Variants in MADD observed in about 807,000 individuals in gnomAD.
The protein encoded by MADD is MAP kinase-activating death domain protein.
Under a neutral mutation model 176.7 loss-of-function variants are expected in MADD, and 109 were observed. That is an observed-to-expected ratio of 0.62 (90% CI 0.53 to 0.72). The LOEUF is 0.72. MADD is among the 30% of genes least tolerant of loss of function. The probability of loss-of-function intolerance (pLI) is 0.00; values close to 1 mark genes in which losing one functional copy is unlikely to be tolerated. For synonymous variants in MADD, 771 were observed against 771.3 expected, an observed-to-expected ratio of 1.00 and a Z score of 0.01; for missense variants, 1,914 against 2,045.5, an observed-to-expected ratio of 0.94 and a Z score of 1.24.
rs181751150 is a variant in MADD at position 47,286,184 on chromosome 11, G to A, written c.2552-249G>A. Reference sequence around the variant, plus strand: ...TTTCATGCTGTGTAGCAGTGGATGAGAGACTTGGATATTATCATGTGAGGT... The same window carrying A: ...TTTCATGCTGTGTAGCAGTGGATGAAAGACTTGGATATTATCATGTGAGGT... On this transcript the variant is annotated intron_variant, in intron 14 of 32. Transcript: ENST00000402192. Among the ~76,000 whole-genome samples, 267 of 152,298 alleles carry A rather than the reference G, an allele frequency of 1.8e-3. 2 individuals are homozygous for A. The highest frequency in any genetic ancestry group is 6.3e-3 in the African/African-American group (260 of 41,552).
chr11:47,280,819 GGC>G (rs1459708988), intron 7 of MADD, among the ~76,000 whole-genome samples: 1 of 152,122 alleles, frequency 6.6e-6, no homozygotes, highest in East Asian at 1.9e-4. Flanking sequence ...CACTTGCCTT[GGC>G]CTCCCAAAGT....
At chr11:47,292,874 C>T (rs1490698760) in intron 19 of MADD, among the ~76,000 whole-genome samples, 1 of 152,074 alleles carries the variant, frequency 6.6e-6, no homozygotes, top group African/African-American at 2.4e-5. Flanking sequence ...AGAATGTTTG[C>T]CTATTTTAGT....
rs898929980 is a variant in MADD, at chr11:47,287,741, G to A, written c.2653+1207G>A. Reference sequence around the variant, plus strand: ...TTTTGTTTTCTCTGGATGGTATGACGAAATATTTAACTGTGGTAGGAAGTG... The same window carrying A: ...TTTTGTTTTCTCTGGATGGTATGACAAAATATTTAACTGTGGTAGGAAGTG... On this transcript the variant is annotated intron_variant, in intron 15 of 32. Transcript: ENST00000402192. Among the ~76,000 whole-genome samples the A allele has an allele frequency of 3.5e-4, 52 of 148,300 alleles. 1 individual carries two copies. The highest frequency in any genetic ancestry group is 2.8e-3 in the Admixed American group (41 of 14,786).
chr11:47,315,331 G>A lies in MADD; in HGVS notation c.4197+4G>A. ...CGGAGATATCTTTTTCATGGAGGTA[G>A]GTGCTGGTTCATGCTGGGGGCCCAA... On this transcript the variant is annotated splice_donor_region_variant and intron_variant, in intron 27 of 32. Coordinates refer to ENST00000402192, the Ensembl canonical transcript of MADD. The A allele has an allele frequency of 1.9e-6, 3 of 1,593,920 alleles. No individual in the cohort carries two copies. The highest frequency in any genetic ancestry group is 2.6e-6 in the Non-Finnish European group (3 of 1,162,028).
intron 25 of MADD, among the ~76,000 whole-genome samples, chr11:47,311,163 T>C (rs1366579660): frequency 6.6e-6 from 1 of 152,138 alleles, no homozygotes; most frequent in East Asian, 1.9e-4. Flanking sequence ...GCCACTGGGT[T>C]TCTCCTCCTT....
At chr11:47,328,788 T>G in intron 32 of MADD, 84 bp downstream of exon 36, 1 of 1,567,024 alleles carries the variant, frequency 6.4e-7, no homozygotes, top group Non-Finnish European at 8.7e-7. Context: ...GAGGGCCCTC[T>G]GAGCGCACAG....
Position 47,285,012 on chromosome 11 carries a change from TC to T in MADD, c.2232del (p.Ser745AlafsTer70). 1 of 1,614,062 alleles carries T rather than the reference TC, an allele frequency of 6.2e-7. No individual in the cohort carries two copies. The highest frequency in any genetic ancestry group is 8.5e-7 in the Non-Finnish European group (1 of 1,180,022). Reference sequence around the variant, plus strand: ...TCTCCAAGCCCCTCCCTTCCGTGCCTCCCAGCATTGGCAAATCGAACGTGGA... The same window carrying T: ...TCTCCAAGCCCCTCCCTTCCGTGCCTCCAGCATTGGCAAATCGAACGTGGA... On this transcript the variant is annotated frameshift_variant, in exon 13 of 33. Transcript: ENST00000402192. LOFTEE classifies it high-confidence loss of function.
chr11:47,319,990 C>CAAAAA (rs11302029), intron 27 of MADD, among the ~76,000 whole-genome samples: 2 of 67,862 alleles, frequency 2.9e-5, no homozygotes, highest in Non-Finnish European at 5.3e-5. Flanking sequence ...GACTCCATCG[C>CAAAAA]AAAAAAAAAA....
intron 31 of MADD, chr11:47,327,462 C>T (rs1293677184): frequency 2.1e-5 from 21 of 985,320 alleles, no homozygotes; most frequent in East Asian, 1.1e-4. Flanking sequence ...GACCTCGGCT[C>T]GTGCTGCCTC....
Position 47,289,022 on chromosome 11 carries a change from G to A in MADD, c.2654-369G>A, listed in dbSNP as rs200176638. ...GTTACTGAAGCCGGCCCCGGGAGTG[G>A]TGAAGGTGGGTCTTGCCTGTGAGCT... On this transcript the variant is annotated intron_variant, in intron 15 of 32. Transcript: ENST00000402192. 1.9e-5 allele frequency: 31 copies of A among 1,593,522 alleles called. No individual in the cohort carries two copies. The East Asian group carries it at 7.0e-4, about 36-fold the overall frequency.
intron 30 of MADD, chr11:47,324,963 C>T (rs1441586719): frequency 1.4e-5 from 8 of 583,310 alleles, no homozygotes; most frequent in East Asian, 8.6e-5. Context: ...CTAGACTGGC[C>T]GATCTCCTTG....
intron 10 of MADD, 60 bp from the exon 11 acceptor site, chr11:47,284,118 T>G (rs3816725): frequency 0.36 from 394,897 of 1,085,064 alleles, 77,805 homozygotes; most frequent in East Asian, 0.69. Flanking sequence ...TGGTGCTGAT[T>G]GTAGGTGTTC....
intron 19 of MADD, among the ~76,000 whole-genome samples, chr11:47,293,463 G>A (rs1174014532): frequency 1.3e-5 from 2 of 151,892 alleles, no homozygotes; most frequent in Non-Finnish European, 2.9e-5. Flanking sequence ...CACCACGCCC[G>A]GCTAATTTTT....
At chr11:47,313,962 G>A (rs1180543187) in intron 26 of MADD, among the ~76,000 whole-genome samples, 2 of 151,934 alleles carry the variant, frequency 1.3e-5, no homozygotes, top group East Asian at 3.9e-4. Flanking sequence ...GTTTCACCAC[G>A]CTGGTCAGGC....
chr11:47,302,777 C>T (rs995243868), intron 22 of MADD, among the ~76,000 whole-genome samples: 2 of 151,858 alleles, frequency 1.3e-5, no homozygotes, highest in African/African-American at 2.4e-5. Flanking sequence ...ATAGTGTGGA[C>T]TTACTTCTGT....
exon 3 of MADD, chr11:47,274,841 C>A (rs2048277174): frequency 6.2e-7 from 1 of 1,614,206 alleles, no homozygotes; most frequent in African/African-American, 1.3e-5. Context: ...GAAGGTGGGG[C>A]AGGGTCCCGT....
chr11:47,308,108 G>A (rs527982204), intron 22 of MADD, among the ~76,000 whole-genome samples: 5 of 152,364 alleles, frequency 3.3e-5, no homozygotes, highest in Admixed American at 1.3e-4. Context: ...ACTGTTAGGT[G>A]CCTTATATGT....
chr11:47,309,701 C>A, intron 25 of MADD, 89 bp downstream of exon 28: 1 of 954,198 alleles, frequency 1.0e-6, no homozygotes, highest in Non-Finnish European at 1.7e-6. Flanking sequence ...AGCTGGGAAG[C>A]TATCAAGGTA....
intron 5 of MADD, 150 bp from the exon 6 acceptor site, chr11:47,278,014 CT>C: frequency 1.6e-6 from 1 of 631,768 alleles, no homozygotes; most frequent in Non-Finnish European, 2.9e-6. Flanking sequence ...TTCAAAAAAT[CT>C]GAAAAATTCT....
Sources: allele counts gnomAD v4.1 joint callset (sites outside exome capture counted in the v4.1 genomes callset), GRCh38; gene constraint gnomAD v4.1.1; transcripts MANE v1.5; gene names NCBI Gene and HGNC (gene_info 2026-07-23, HGNC 2026-07-21).